DCAF7: variants seen among roughly 807,000 people sequenced by gnomAD.
DCAF7 encodes the protein DDB1- and CUL4-associated factor 7.
A neutral mutation model predicts 41.2 loss-of-function variants in DCAF7; 4 were observed. The ratio of observed to expected loss-of-function variants is 0.10; its 90% CI spans 0.05 to 0.22. The LOEUF is 0.22. Ranked by LOEUF, DCAF7 falls within the 10% of genes least tolerant of loss-of-function variation. The pLI is 1.00. For missense variants in DCAF7, 131 were observed against 443.2 expected, an observed-to-expected ratio of 0.30 and a Z score of 6.32; for synonymous variants, 143 against 164.2, an observed-to-expected ratio of 0.87 and a Z score of 0.99.
At chr17:63,563,204 A>G (rs1203757731) in intron 1 of DCAF7, among the ~76,000 whole-genome samples, 1 of 152,234 alleles carries the variant, frequency 6.6e-6, no homozygotes, top group Non-Finnish European at 1.5e-5. Flanking sequence ...AAGGGTATGA[A>G]TATCTAGTTC....
At chr17:63,559,334 CATACATATATATACGTATATATATGTAT>C (rs2033345719) in intron 1 of DCAF7, among the ~76,000 whole-genome samples, 2 of 65,022 alleles carry the variant, frequency 3.1e-5, no homozygotes, top group South Asian at 3.5e-4. Context: ...TATATATATA[CATACATATATATACGTATATATATGTAT>C]GTATATATAT....
At chr17:63,572,159 C>G (rs538619724) in intron 1 of DCAF7, among the ~76,000 whole-genome samples, 1 of 152,078 alleles carries the variant, frequency 6.6e-6, no homozygotes. Context: ...ATTCAAAGCT[C>G]ATATATTGAG....
intron 1 of DCAF7, among the ~76,000 whole-genome samples, chr17:63,571,211 A>G (rs1379298474): frequency 2.0e-5 from 3 of 151,932 alleles, no homozygotes; most frequent in East Asian, 1.9e-4. Context: ...AAGAAAATTG[A>G]TATATTGTGT....
intron 3 of DCAF7, 22 bp from the exon 4 acceptor site, chr17:63,579,803 G>T: frequency 4.4e-6 from 7 of 1,601,870 alleles, no homozygotes; most frequent in Non-Finnish European, 6.0e-6. Context: ...CGTCAGCCCT[G>T]ACTTGCACTG....
rs9899685 is a variant in DCAF7 at position 63,574,911 on chromosome 17, T to G, written c.139-3559T>G. On this transcript the variant is annotated intron_variant, in intron 1 of 6. Transcript: ENST00000614556. ...TCAATTGAGCCTAGGAGGTCAAGGC[T>G]GTAGTGAGCTGTGATTGAGCCACTA... is the stretch of plus-strand genomic sequence containing the variant. 4.7e-3 allele frequency among the ~76,000 whole-genome samples: 713 copies of G among 152,246 alleles called. 12 individuals carry two copies. The highest frequency in any genetic ancestry group is 0.015 in the African/African-American group (640 of 41,542).
In DCAF7 at chr17:63,578,577, C is replaced by T. The variant is rs143007748; in HGVS notation, c.246C>T (p.Gly82=). 2.6e-3 allele frequency: 4,144 copies of T among 1,614,034 alleles called. 120 individuals are homozygous for T. The Admixed American group carries it at 0.051, about 20-fold the overall frequency. Residue 82 remains glycine, a synonymous_variant, in exon 2 of 7, where the codon GGC becomes GGT. Transcript: ENST00000614556. ...TCATGTGGATCCCTGACACAAAAGG[C>T]GTCTATCCAGACCTACTGGCAACAA... ...TKLMWIPDTK[G]VYPDLLATSG...
chr17:63,562,179 G>C (rs1370299983), intron 1 of DCAF7, among the ~76,000 whole-genome samples: 1 of 152,190 alleles, frequency 6.6e-6, no homozygotes, highest in Non-Finnish European at 1.5e-5. Context: ...TGTGAAATAT[G>C]TGATAAGATA....
chr17:63,551,653 C>G (rs1358145983), intron 1 of DCAF7, among the ~76,000 whole-genome samples: 1 of 151,968 alleles, frequency 6.6e-6, no homozygotes, highest in African/African-American at 2.4e-5. Flanking sequence ...CTTCCTTTTA[C>G]TCAAAGTTGT....
intron 5 of DCAF7, 26 bp from the exon 6 acceptor site, chr17:63,585,185 A>G (rs1422024703): frequency 3.2e-6 from 5 of 1,579,772 alleles, no homozygotes; most frequent in Non-Finnish European, 4.3e-6. Context: ...TGATGATCCC[A>G]GGCCTTTTAC....
intron 5 of DCAF7, 50 bp downstream of exon 5, chr17:63,583,761 C>A (rs377704519): frequency 8.3e-6 from 13 of 1,560,224 alleles, no homozygotes; most frequent in Non-Finnish European, 1.1e-5. Flanking sequence ...TCCAGCACTG[C>A]TTAGTATATC....
chr17:63,573,705 G>T (rs138852033), intron 1 of DCAF7, among the ~76,000 whole-genome samples: 2 of 151,616 alleles, frequency 1.3e-5, no homozygotes, highest in South Asian at 2.1e-4. Context: ...ACTCCAGCCT[G>T]GGTGACAAGA....
intron 5 of DCAF7, among the ~76,000 whole-genome samples, chr17:63,584,337 A>G (rs2033654843): frequency 1.3e-5 from 2 of 152,320 alleles, no homozygotes; most frequent in Admixed American, 6.5e-5. Flanking sequence ...GTGTGGTGGC[A>G]TACGCCTGTA....
chr17:63,552,283 TAC>T (rs1332814151), intron 1 of DCAF7: 1 of 152,178 alleles, frequency 6.6e-6, no homozygotes, highest in East Asian at 1.9e-4. Context: ...ACAGTTTGTT[TAC>T]AGTTTTTCAG....
chr17:63,571,759 A>C (rs1339998770), intron 1 of DCAF7, among the ~76,000 whole-genome samples: 1 of 152,014 alleles, frequency 6.6e-6, no homozygotes, highest in Non-Finnish European at 1.5e-5. Flanking sequence ...CTCTTAGGTT[A>C]GGTACTATTT....
At chr17:63,573,377 C>T (rs1209994849) in intron 1 of DCAF7, 1 of 152,122 alleles carries the variant, frequency 6.6e-6, no homozygotes, top group Non-Finnish European at 1.5e-5. Context: ...GTTTCTCCTC[C>T]ACAAAGGCTG....
intron 6 of DCAF7, among the ~76,000 whole-genome samples, chr17:63,587,172 G>A (rs565619251): frequency 9.2e-5 from 14 of 152,218 alleles, no homozygotes; most frequent in African/African-American, 3.4e-4. Flanking sequence ...GTACTCTGGT[G>A]TTTTTCTGCC....
intron 5 of DCAF7, 125 bp from the exon 6 acceptor site, chr17:63,585,086 C>T (rs1054848573): frequency 2.9e-5 from 21 of 722,210 alleles, no homozygotes; most frequent in Middle Eastern, 3.6e-4. Flanking sequence ...GAAATCCTGT[C>T]TCTAGTTCTT....
chr17:63,560,903 C>T lies in DCAF7; in HGVS notation c.138+10088C>T, dbSNP rs577656085. 4.6e-5 allele frequency among the ~76,000 whole-genome samples: 7 copies of T among 152,194 alleles called. No homozygotes were observed. The South Asian group carries it at 1.2e-3, about 27-fold the overall frequency. The stretch of plus-strand genomic sequence containing the variant: ...TATTAACATCAGATAAAATTCAAGG[C>T]AAAAATGTTGAAACAAAAGGAAATA... On this transcript the variant is annotated intron_variant, in intron 1 of 6. Transcript: ENST00000614556.
chr17:63,558,577 G>A (rs532638967), intron 1 of DCAF7, among the ~76,000 whole-genome samples: 13 of 152,196 alleles, frequency 8.5e-5, no homozygotes, highest in African/African-American at 3.1e-4. Flanking sequence ...TCGCTCTGTC[G>A]CCCAGGCTAG....
Sources: allele counts gnomAD v4.1 joint callset (sites outside exome capture counted in the v4.1 genomes callset), GRCh38; gene constraint gnomAD v4.1.1; transcripts MANE v1.5; gene names NCBI Gene and HGNC (gene_info 2026-07-23, HGNC 2026-07-21).